The following GAPVD1 variants were observed in gnomAD, a reference collection of about 807,000 sequenced individuals.
GAPVD1 encodes GTPase activating protein and VPS9 domains 1.
Under a neutral mutation model 155.5 loss-of-function variants are expected in GAPVD1, and 35 were observed. The ratio of observed to expected loss-of-function variants is 0.23; its 90% confidence interval spans 0.17 to 0.30. The LOEUF (loss-of-function observed/expected upper bound fraction) is 0.30, where lower values mean the gene tolerates loss of function less well. GAPVD1 is among the 10% of genes least tolerant of loss of function. The pLI is 1.00. For synonymous variants in GAPVD1, 636 were observed against 619.7 expected, an observed-to-expected ratio of 1.03 and a Z score of -0.39; for missense variants, 1,429 against 1,775.7, an observed-to-expected ratio of 0.80 and a Z score of 3.51.
At chr9:125,267,461 C>T (rs1048441351) in intron 1 of GAPVD1, among the ~76,000 whole-genome samples, 9 of 152,044 alleles carry the variant, frequency 5.9e-5, no homozygotes, top group African/African-American at 2.2e-4. Flanking sequence ...CTCTTGTTGC[C>T]CAGGCTGGAG....
intron 8 of GAPVD1, among the ~76,000 whole-genome samples, chr9:125,311,608 TGAAA>T (rs1842700856): frequency 1.3e-5 from 2 of 152,026 alleles, no homozygotes; most frequent in East Asian, 3.9e-4. Flanking sequence ...GCAACAAGAG[TGAAA>T]CTCCGTCTCA....
chr9:125,262,708 G>T (rs1368893331), intron 1 of GAPVD1, among the ~76,000 whole-genome samples: 1 of 152,184 alleles, frequency 6.6e-6, no homozygotes, highest in Non-Finnish European at 1.5e-5. Flanking sequence ...CTTTGAACTA[G>T]AGAGGGGTTT....
chr9:125,334,006 C>T (rs1846488106), intron 15 of GAPVD1, among the ~76,000 whole-genome samples: 2 of 152,124 alleles, frequency 1.3e-5, no homozygotes, highest in South Asian at 4.1e-4. Context: ...CAAATGCTCT[C>T]TTGGGGGACA....
At chr9:125,310,846 T>C (rs985635999) in intron 8 of GAPVD1, among the ~76,000 whole-genome samples, 12 of 145,542 alleles carry the variant, frequency 8.2e-5, no homozygotes, top group South Asian at 4.4e-4. Context: ...CCTTCTTCTT[T>C]TTTTTTTTTT....
At chr9:125,321,585 GA>G in intron 10 of GAPVD1, 23 bp downstream of exon 10, 1 of 1,601,626 alleles carries the variant, frequency 6.2e-7, no homozygotes, top group Non-Finnish European at 8.5e-7. Flanking sequence ...TTCATTCAAG[GA>G]GTTGTGTGGT....
chr9:125,275,457 T>A (rs1835621342), intron 2 of GAPVD1, among the ~76,000 whole-genome samples: 2 of 152,208 alleles, frequency 1.3e-5, no homozygotes, highest in African/African-American at 4.8e-5. Context: ...CCTTTCAAAC[T>A]TAATCTTGTT....
At chr9:125,277,045 TG>T (rs1247637021) in intron 2 of GAPVD1, among the ~76,000 whole-genome samples, 3 of 152,116 alleles carry the variant, frequency 2.0e-5, no homozygotes, top group African/African-American at 7.2e-5. Context: ...TGATTATAGG[TG>T]TGAGCTACCA....
Position 125,341,163 on chromosome 9 carries a change from A to G in GAPVD1, c.2878-14A>G. On this transcript the variant is annotated splice_polypyrimidine_tract_variant and intron_variant, in intron 17 of 27. Transcript: ENST00000297933. ...CTATCCAACTCCAAATAAAGCCTCCAACTTTTTCTACAGACTGAAGAACGC... is the reference window on the plus strand; with the variant it reads ...CTATCCAACTCCAAATAAAGCCTCCGACTTTTTCTACAGACTGAAGAACGC... 2 of 1,425,890 alleles carry G rather than the reference A, an allele frequency of 1.4e-6. No individual in the cohort carries two copies. The highest frequency in any genetic ancestry group is 2.0e-6 in the Non-Finnish European group (2 of 1,007,932). The allele number at this position is 1,425,890 out of a possible 1,614,324, so 88.3% of individuals were successfully genotyped here.
intron 2 of GAPVD1, among the ~76,000 whole-genome samples, chr9:125,273,542 A>ATT (rs1487781168): frequency 6.9e-6 from 1 of 144,312 alleles, no homozygotes; most frequent in Non-Finnish European, 1.5e-5. Flanking sequence ...AGAAGAGGTG[A>ATT]TTTATTGTAT....
At chr9:125,281,390 C>G (rs1836762599) in intron 2 of GAPVD1, among the ~76,000 whole-genome samples, 1 of 152,098 alleles carries the variant, frequency 6.6e-6, no homozygotes, top group Non-Finnish European at 1.5e-5. Flanking sequence ...CTCAAGCAGT[C>G]CTCCTGCCTC....
At chr9:125,312,293 GTTTGT>G (rs756616898) in intron 8 of GAPVD1, among the ~76,000 whole-genome samples, 154 bp from the exon 9 acceptor site, 16 of 152,004 alleles carry the variant, frequency 1.1e-4, no homozygotes, top group Non-Finnish European at 2.1e-4. Flanking sequence ...GGAGGATCTG[GTTTGT>G]TTTGTTTTGT....
rs1840555671 is a variant in GAPVD1, at chr9:125,300,036, AAAATATATATATATATATATAT to A, written c.185+932_185+953del. 1.7e-4 allele frequency among the ~76,000 whole-genome samples: 5 copies of A among 29,626 alleles called. 2 individuals carry two copies. The highest frequency in any genetic ancestry group is 5.4e-4 in the African/African-American group (4 of 7,352). 19.4% of individuals were successfully genotyped at this position (29,626 alleles called of 152,430 possible). Reference sequence around the variant, plus strand: ...TCTGTCTCAAAAGAAAAAAAAAAAAAAAATATATATATATATATATATATATATATATATATATATATATATA... The same window carrying A: ...TCTGTCTCAAAAGAAAAAAAAAAAAAATATATATATATATATATATATATA... On this transcript the variant is annotated intron_variant, in intron 4 of 27. Transcript: ENST00000297933.
At position 125,360,522 on chromosome 9, in the gene GAPVD1, A is replaced by G. The variant is rs775958659; in HGVS notation, c.4045-6A>G. ...GAATCTGTATATTGTCTATGGTCTC[A>G]CTTAGGTTTATCTTCGAGAAGCACC... On this transcript the variant is annotated splice_region_variant and splice_polypyrimidine_tract_variant and intron_variant, in intron 26 of 27. Coordinates refer to ENST00000297933, the MANE Select transcript of GAPVD1 (RefSeq NM_001282680.3). 1.6e-5 allele frequency: 26 copies of G among 1,611,870 alleles called. No homozygotes were observed. The highest frequency in any genetic ancestry group is 2.0e-5 in the Non-Finnish European group (24 of 1,178,056).
At position 125,299,117 on chromosome 9, in the gene GAPVD1, G is replaced by T. The variant is rs374968872; in HGVS notation, c.185+11G>T. The T allele has an allele frequency of 6.0e-6, 9 of 1,501,550 alleles. No homozygotes were observed. The African/African-American group carries it at 1.1e-4, about 19-fold the overall frequency. 93.0% of individuals were successfully genotyped at this position (1,501,550 alleles called of 1,614,324 possible). On this transcript the variant is annotated intron_variant, in intron 4 of 27. Coordinates refer to ENST00000297933, the MANE Select transcript of GAPVD1 (RefSeq NM_001282680.3). ...GCTTATCATAACCAGGTAAAGAGAT[G>T]ATTTTCAGGTTTTAAGTTTTGTGAA...
intron 19 of GAPVD1, among the ~76,000 whole-genome samples, chr9:125,342,530 A>T (rs1221529765): frequency 1.3e-5 from 2 of 152,218 alleles, no homozygotes; most frequent in African/African-American, 4.8e-5. Flanking sequence ...AACTCCGTTT[A>T]TGATGAGGCC....
intron 2 of GAPVD1, among the ~76,000 whole-genome samples, chr9:125,284,589 G>A (rs866403404): frequency 6.6e-6 from 1 of 151,944 alleles, no homozygotes; most frequent in Non-Finnish European, 1.5e-5. Flanking sequence ...TGACTGACAG[G>A]CTTGAGACAC....
chr9:125,275,639 C>T (rs1378783134), intron 2 of GAPVD1, among the ~76,000 whole-genome samples: 1 of 152,034 alleles, frequency 6.6e-6, no homozygotes. Context: ...GTCCCAGCTG[C>T]TCGGTGGGAG....
chr9:125,274,394 C>T (rs914489106), intron 2 of GAPVD1, among the ~76,000 whole-genome samples: 3 of 151,154 alleles, frequency 2.0e-5, no homozygotes, highest in African/African-American at 7.3e-5. Context: ...TATGCATGCA[C>T]TTACCATTTG....
Position 125,354,922 on chromosome 9 carries a change from AGTTT to A in GAPVD1, c.3757+85_3757+88del. ...TTTAGAAATACTGTTTTGTTTTGCT[AGTTT>A]GTTCAAGTATCTGCATGCCTTAAAT... On this transcript the variant is annotated intron_variant, in intron 24 of 27. Coordinates refer to ENST00000297933, the MANE Select transcript of GAPVD1 (RefSeq NM_001282680.3). 5.3e-6 allele frequency: 5 copies of A among 940,300 alleles called. No individual in the cohort carries two copies. The Admixed American group carries it at 6.0e-5, about 11-fold the overall frequency. The allele number at this position is 940,300 out of a possible 1,614,324, so 58.2% of individuals were successfully genotyped here.
Sources: gnomAD v4.1 joint callset for allele counts (sites outside exome capture counted in the v4.1 genomes callset) on GRCh38, gnomAD v4.1.1 for gene constraint, MANE v1.5 for transcripts, NCBI Gene and HGNC (gene_info 2026-07-23, HGNC 2026-07-21) for gene names.